Variants in SLC18A2 observed in about 807,000 individuals in gnomAD.
The protein encoded by SLC18A2 is solute carrier family 18 member A2.
In SLC18A2, 33 loss-of-function variants were observed where a neutral mutation model predicts 59.2. The ratio of observed to expected loss-of-function variants is 0.56; its 90% CI spans 0.42 to 0.75. The LOEUF is 0.75. SLC18A2 is among the 30% of genes least tolerant of loss of function. The pLI is 0.00. For synonymous variants in SLC18A2, 228 were observed against 253.5 expected, an observed-to-expected ratio of 0.90 and a Z score of 0.95; for missense variants, 569 against 668.6, an observed-to-expected ratio of 0.85 and a Z score of 1.64.
At chr10:117,260,457 T>G (rs1844282615) in intron 10 of SLC18A2, among the ~76,000 whole-genome samples, 1 of 149,610 alleles carries the variant, frequency 6.7e-6, no homozygotes, top group African/African-American at 2.4e-5. Context: ...GTATTGTCCC[T>G]TCTCCTCTCC....
At chr10:117,244,368 T>G in intron 3 of SLC18A2, 55 bp downstream of exon 3, 1 of 1,444,078 alleles carries the variant, frequency 6.9e-7, no homozygotes, top group East Asian at 2.5e-5. Context: ...TCCTAGCTTA[T>G]GTCCTTCCTG....
At chr10:117,243,899 T>G in intron 2 of SLC18A2, 72 bp from the exon 3 acceptor site, 1 of 1,304,142 alleles carries the variant, frequency 7.7e-7, no homozygotes, top group Non-Finnish European at 1.1e-6. Context: ...ACAACCATAG[T>G]TTTTTGCTGG....
intron 3 of SLC18A2, among the ~76,000 whole-genome samples, chr10:117,249,028 G>C (rs939349845): frequency 2.0e-5 from 3 of 152,208 alleles, no homozygotes; most frequent in Non-Finnish European, 4.4e-5. Context: ...GGAAGCCACA[G>C]GGCATGAAAT....
Position 117,267,133 on chromosome 10 carries a change from T to A in SLC18A2, c.1122+98T>A, listed in dbSNP as rs1057160036. 4.1e-5 allele frequency: 38 copies of A among 932,246 alleles called. No homozygotes were observed. In the Admixed American group the frequency reaches 8.7e-4, roughly 21 times the overall value. The allele number at this position is 932,246 out of a possible 1,614,324, so 57.7% of individuals were successfully genotyped here. On this transcript the variant is annotated intron_variant, in intron 12 of 15. Coordinates refer to ENST00000644641, the MANE Select transcript of SLC18A2 (RefSeq NM_003054.6). The stretch of plus-strand genomic sequence containing the variant: ...AAGAAACATTTTACGTTTGAGTTTG[T>A]TGATGTTTTATTACAGCTTTCATTT...
rs775749482 is a variant in SLC18A2 at position 117,254,305 on chromosome 10, G to GT, written c.608-100_608-99insT. ...ACATTTTAGTGAATCTGACAGGTTT[G>GT]GGAAGATCACAAGGCTGGCTGGAGA... On this transcript the variant is annotated intron_variant, in intron 5 of 15. Coordinates refer to ENST00000644641, the MANE Select transcript of SLC18A2 (RefSeq NM_003054.6). The GT allele has an allele frequency of 4.1e-3, 4,972 of 1,225,988 alleles. 26 individuals carry two copies. Among genetic ancestry groups the GT allele is most frequent in the South Asian group, 0.012 (830 of 72,062 alleles). 75.9% of individuals were successfully genotyped at this position (1,225,988 alleles called of 1,614,324 possible).
chr10:117,259,645 C>T (rs1474086269), intron 10 of SLC18A2, among the ~76,000 whole-genome samples: 1 of 152,180 alleles, frequency 6.6e-6, no homozygotes, highest in Non-Finnish European at 1.5e-5. Context: ...AAATCATTTC[C>T]CTTGGGAGTT....
At chr10:117,258,750 G>A (rs559950877) in intron 10 of SLC18A2, among the ~76,000 whole-genome samples, 204 of 143,676 alleles carry the variant, frequency 1.4e-3, no homozygotes, top group Non-Finnish European at 2.6e-3. Context: ...TAAATAATAT[G>A]TGTACACCCC....
chr10:117,256,654 A>G (rs759779807), intron 9 of SLC18A2, among the ~76,000 whole-genome samples: 1 of 152,186 alleles, frequency 6.6e-6, no homozygotes, highest in Non-Finnish European at 1.5e-5. Context: ...GACCCTGTCT[A>G]TCATGCTTGC....
chr10:117,244,018 G>A lies in SLC18A2; in HGVS notation c.169G>A (p.Ala57Thr). 6.2e-7 allele frequency: 1 copy of A among 1,614,022 alleles called. No individual in the cohort carries two copies. The highest frequency in any genetic ancestry group is 8.5e-7 in the Non-Finnish European group (1 of 1,180,018). ...GTACAGCATTAAGCATGAGAAGAAT[G>A]CTACAGAAATCCAGACGGCCAGGCC... Reference protein sequence around the residue: ...YLYSIKHEKNATEIQTARPVH... With the variant: ...YLYSIKHEKNTTEIQTARPVH... Residue 57 changes from alanine to threonine, a missense_variant, in exon 3 of 16, where the codon GCT becomes ACT. By Grantham distance (58) the Ala-to-Thr change is moderately conservative (BLOSUM62 0). This residue lies in a region of SLC18A2 where 377 missense variants were observed against 389.8 expected (regional missense o/e 0.97). Coordinates refer to ENST00000644641, the MANE Select transcript of SLC18A2 (RefSeq NM_003054.6).
At chr10:117,267,193 A>G in intron 12 of SLC18A2, 158 bp downstream of exon 12, 3 of 618,300 alleles carry the variant, frequency 4.9e-6, no homozygotes, top group Non-Finnish European at 8.5e-6. Context: ...AAATGTTTGG[A>G]CAAGACTTTC....
At position 117,270,084 on chromosome 10, in the gene SLC18A2, G is replaced by C. The variant is rs747512992; in HGVS notation, c.1200G>C (p.Ser400=). The C allele has an allele frequency of 6.2e-7, 1 of 1,614,138 alleles. No homozygotes were observed. Among genetic ancestry groups the C allele is most frequent in the South Asian group, 1.1e-5 (1 of 91,086 alleles). Residue 400 remains serine, a synonymous_variant, in exon 14 of 16, where the codon TCG becomes TCC. Coordinates refer to ENST00000644641, the MANE Select transcript of SLC18A2 (RefSeq NM_003054.6). ...GACTGTCTTCAGGAATGGTGGATTC[G>C]TCAATGATGCCTATCATGGGCTACC... ...GVGFAIGMVD[S]SMMPIMGYLV... is the part of the protein sequence containing the mutation.
intron 3 of SLC18A2, among the ~76,000 whole-genome samples, chr10:117,249,734 G>A (rs1233276169): frequency 2.6e-5 from 4 of 152,194 alleles, no homozygotes; most frequent in Non-Finnish European, 5.9e-5. Context: ...ACCATTTAGG[G>A]ACAGATGGGG....
intron 10 of SLC18A2, among the ~76,000 whole-genome samples, chr10:117,259,160 C>A (rs1038147920): frequency 2.6e-5 from 4 of 152,202 alleles, no homozygotes; most frequent in African/African-American, 4.8e-5. Context: ...TTGTTCACAG[C>A]TGACTGAGCT....
rs139669631 is a variant in SLC18A2, at chr10:117,260,177, C to T, written c.991+2285C>T. Among the ~76,000 whole-genome samples, 461 of 152,286 alleles carry T rather than the reference C, an allele frequency of 3.0e-3. 2 individuals are homozygous for T. The highest frequency in any genetic ancestry group is 0.011 in the African/African-American group (438 of 41,546). On this transcript the variant is annotated intron_variant, in intron 10 of 15. Transcript: ENST00000644641. Reference sequence around the variant, plus strand: ...GTTCCTGTTTCAGCCTCTTGTGTTGCCCCGGTTGCCATTCTGGTTAATTTC... The same window carrying T: ...GTTCCTGTTTCAGCCTCTTGTGTTGTCCCGGTTGCCATTCTGGTTAATTTC...
In SLC18A2 at chr10:117,241,705, C is replaced by T; in HGVS notation, c.12C>T (p.Ser4=). MAL[S]ELALVRWLQE... Reference sequence around the variant, plus strand: ...GGAGCCCCGGAGCCATGGCCCTGAGCGAGCTGGCGCTGGTCCGCTGGCTGC... The same window carrying T: ...GGAGCCCCGGAGCCATGGCCCTGAGTGAGCTGGCGCTGGTCCGCTGGCTGC... The change falls in exon 2 of 16, where the codon AGC becomes AGT. Residue 4 remains serine (S), a synonymous_variant. Coordinates refer to ENST00000644641, the MANE Select transcript of SLC18A2 (RefSeq NM_003054.6). 1.3e-6 allele frequency: 2 copies of T among 1,597,388 alleles called. No homozygotes were observed. Among genetic ancestry groups the T allele is most frequent in the African/African-American group, 1.3e-5 (1 of 74,250 alleles).
At chr10:117,245,135 C>T (rs773267478) in intron 3 of SLC18A2, among the ~76,000 whole-genome samples, 1 of 152,110 alleles carries the variant, frequency 6.6e-6, no homozygotes, top group Non-Finnish European at 1.5e-5. Flanking sequence ...AGGAGGCAGG[C>T]CCCCAAGGTG....
chr10:117,263,107 C>T (rs1235768243), intron 10 of SLC18A2, among the ~76,000 whole-genome samples: 2 of 152,144 alleles, frequency 1.3e-5, no homozygotes, highest in Non-Finnish European at 2.9e-5. Context: ...TTTCATTTGC[C>T]CCAGAGATAG....
At chr10:117,247,610 C>T (rs561460482) in intron 3 of SLC18A2, among the ~76,000 whole-genome samples, 2 of 152,284 alleles carry the variant, frequency 1.3e-5, no homozygotes, top group African/African-American at 4.8e-5. Flanking sequence ...CTGCTGGAGA[C>T]CCAGTGAGTT....
intron 3 of SLC18A2, among the ~76,000 whole-genome samples, chr10:117,245,521 A>G (rs1458467712): frequency 6.6e-6 from 1 of 152,146 alleles, no homozygotes; most frequent in Non-Finnish European, 1.5e-5. Context: ...GGCAGGGAGC[A>G]GGGAGAACTT....
Sources: gnomAD v4.1 joint callset for allele counts (sites outside exome capture counted in the v4.1 genomes callset) on GRCh38, gnomAD v4.1.1 for gene constraint, gnomAD v4.1.1 regional missense constraint, MANE v1.5 for transcripts, NCBI Gene and HGNC (gene_info 2026-07-23, HGNC 2026-07-21) for gene names.